RNF216: variants seen among roughly 807,000 people sequenced by gnomAD.
RNF216 encodes ring finger protein 216, also known as E3 ubiquitin-protein ligase RNF216.
Under a neutral mutation model 110.8 loss-of-function variants are expected in RNF216, and 72 were observed. That is an observed-to-expected ratio of 0.65 (90% confidence interval 0.54 to 0.79). The LOEUF is 0.79. Ranked by LOEUF, RNF216 falls within the 30% of genes least tolerant of loss-of-function variation. The pLI is 0.00. For synonymous variants in RNF216, 495 were observed against 407.5 expected, an observed-to-expected ratio of 1.21 and a Z score of -2.59; for missense variants, 1,342 against 1,141.2, an observed-to-expected ratio of 1.18 and a Z score of -2.54.
At chr7:5,657,735 C>T (rs1243574526) in intron 13 of RNF216, among the ~76,000 whole-genome samples, 1 of 152,110 alleles carries the variant, frequency 6.6e-6, no homozygotes, top group African/African-American at 2.4e-5. Context: ...GTCCTCCCCA[C>T]CCATACGCCC....
chr7:5,775,919 A>T (rs1467114214), intron 1 of RNF216, among the ~76,000 whole-genome samples: 2 of 152,076 alleles, frequency 1.3e-5, no homozygotes, highest in Non-Finnish European at 2.9e-5. Context: ...AGGCTGGAAG[A>T]AGATGACATG....
At chr7:5,735,599 A>G (rs1794349324) in intron 5 of RNF216, among the ~76,000 whole-genome samples, 1 of 152,158 alleles carries the variant, frequency 6.6e-6, no homozygotes, top group South Asian at 2.1e-4. Context: ...CTAAAAGAAC[A>G]CCCCTGAAGA....
At chr7:5,760,230 G>C (rs1006617960) in intron 2 of RNF216, among the ~76,000 whole-genome samples, 2 of 152,024 alleles carry the variant, frequency 1.3e-5, no homozygotes, top group African/African-American at 2.4e-5. Context: ...AAAAACTGTA[G>C]AACAGTCTGG....
At chr7:5,710,315 G>A (rs1346199449) in intron 13 of RNF216, among the ~76,000 whole-genome samples, 3 of 151,620 alleles carry the variant, frequency 2.0e-5, no homozygotes, top group East Asian at 1.9e-4. Flanking sequence ...AGCTGAGATC[G>A]TGCCACTGCA....
At chr7:5,642,975 G>C (rs1201031178) in intron 14 of RNF216, among the ~76,000 whole-genome samples, 1 of 151,980 alleles carries the variant, frequency 6.6e-6, no homozygotes, top group Non-Finnish European at 1.5e-5. Context: ...AGGCTGTAAA[G>C]AATTAAGGTT....
rs115911752 is a variant in RNF216, at chr7:5,707,331, G to T, written c.2061+4430C>A. 7.6e-3 allele frequency among the ~76,000 whole-genome samples: 1,163 copies of T among 152,224 alleles called. 16 individuals carry two copies. The highest frequency in any genetic ancestry group is 0.027 in the African/African-American group (1,119 of 41,540). ...TTTCAGCAGTTTTTTATAGTTTTCA[G>T]TGTATAAGTCTTTACCCACTCCTTG... On this transcript the variant is annotated intron_variant, in intron 13 of 16. Coordinates refer to ENST00000389902, the MANE Select transcript of RNF216 (RefSeq NM_207111.4).
intron 1 of RNF216, among the ~76,000 whole-genome samples, chr7:5,775,673 C>T (rs1796734717): frequency 6.6e-6 from 1 of 151,972 alleles, no homozygotes; most frequent in Non-Finnish European, 1.5e-5. Flanking sequence ...AGTTCAAGAC[C>T]AGCCTGGCCA....
chr7:5,705,259 C>G lies in RNF216; in HGVS notation c.2061+6502G>C, dbSNP rs1213606485. ...ACACACTGGATGTCTCCCCTAAAAA[C>G]TCAACATGTCCAAAACAAAAGTAAT... On this transcript the variant is annotated intron_variant, in intron 13 of 16. Transcript: ENST00000389902. Among the ~76,000 whole-genome samples, 4 of 152,158 alleles carry G rather than the reference C, an allele frequency of 2.6e-5. No individual in the cohort carries two copies. The East Asian group carries it at 5.8e-4, about 22-fold the overall frequency.
At chr7:5,735,481 T>C (rs1365929448) in intron 5 of RNF216, among the ~76,000 whole-genome samples, 1 of 152,128 alleles carries the variant, frequency 6.6e-6, no homozygotes, top group Non-Finnish European at 1.5e-5. Context: ...AGCAAAACTC[T>C]AGGAAAATAA....
At chr7:5,666,455 C>T (rs1300821720) in intron 13 of RNF216, among the ~76,000 whole-genome samples, 3 of 152,136 alleles carry the variant, frequency 2.0e-5, no homozygotes, top group Non-Finnish European at 4.4e-5. Flanking sequence ...GAATTCCAGG[C>T]ACCAGGAACA....
At chr7:5,724,986 T>G (rs573242370) in intron 8 of RNF216, among the ~76,000 whole-genome samples, 3 of 152,336 alleles carry the variant, frequency 2.0e-5, no homozygotes, top group African/African-American at 7.2e-5. Flanking sequence ...TGGGTAGTTT[T>G]TACCTAATAA....
In RNF216 at chr7:5,721,074, C is replaced by G. The variant is rs1370391603; in HGVS notation, c.1603G>C (p.Glu535Gln). The G allele has an allele frequency of 6.2e-7, 1 of 1,614,100 alleles. No individual in the cohort carries two copies. The highest frequency in any genetic ancestry group is 8.5e-7 in the Non-Finnish European group (1 of 1,180,042). The part of the protein sequence containing the change: ...RRALLPAVQQ[E>Q]QEFYEQKIKE... ...ATTTTCTGCTCATAGAACTCCTGCT[C>G]TTGTTGCACAGCTGGAAGGAGAGCA... Residue 535 changes from glutamate (E) to glutamine (Q), a missense_variant, in exon 9 of 17, where the codon GAG (glutamate) becomes CAG (glutamine). Coordinates refer to ENST00000389902, the MANE Select transcript of RNF216 (RefSeq NM_207111.4).
intron 1 of RNF216, among the ~76,000 whole-genome samples, chr7:5,781,007 G>A (rs1268639056): frequency 1.3e-5 from 2 of 152,048 alleles, no homozygotes; most frequent in African/African-American, 4.8e-5. Context: ...CCCGCAGAAG[G>A]GTTTGACGCA....
chr7:5,687,672 G>A (rs960139942), intron 13 of RNF216, among the ~76,000 whole-genome samples: 2 of 152,174 alleles, frequency 1.3e-5, no homozygotes, highest in Non-Finnish European at 2.9e-5. Flanking sequence ...GAGAAATTAA[G>A]TGCCCCCAAA....
intron 5 of RNF216, among the ~76,000 whole-genome samples, chr7:5,732,699 C>A (rs1023667114): frequency 7.2e-5 from 11 of 152,176 alleles, no homozygotes; most frequent in African/African-American, 2.4e-4. Context: ...TTTTCTTCTA[C>A]AGAAACAAGT....
intron 14 of RNF216, among the ~76,000 whole-genome samples, chr7:5,642,033 A>T (rs1316442179): frequency 9.0e-6 from 1 of 111,618 alleles, no homozygotes; most frequent in African/African-American, 4.2e-5. Context: ...ACTCTATCTT[A>T]AAAAAAAAAA....
At position 5,624,781 on chromosome 7, in the gene RNF216, G is replaced by A. The variant is rs755975893; in HGVS notation, c.2383-656C>T. Among the ~76,000 whole-genome samples the A allele has an allele frequency of 5.9e-5, 9 of 152,304 alleles. No individual in the cohort carries two copies. Among genetic ancestry groups the A allele is most frequent in the Admixed American group, 3.9e-4 (6 of 15,306 alleles). The stretch of plus-strand genomic sequence containing the variant: ...CCAAGCCTCAGACACGAACCGAAGA[G>A]GCACTGTGAGTGCAGGCAGATGTGG... On this transcript the variant is annotated intron_variant, in intron 15 of 16. Coordinates refer to ENST00000389902, the MANE Select transcript of RNF216 (RefSeq NM_207111.4). This position sits in a 1 kb window ranked among gnomAD's most constrained non-coding sequence, Gnocchi z 4.4.
chr7:5,640,321 TAA>T (rs1787659317), intron 15 of RNF216, among the ~76,000 whole-genome samples: 1 of 152,194 alleles, frequency 6.6e-6, no homozygotes, highest in African/African-American at 2.4e-5. Context: ...TCCAAGATTA[TAA>T]AAGTCATTCC....
intron 9 of RNF216, 36 bp downstream of exon 9, chr7:5,720,997 A>G: frequency 6.2e-7 from 1 of 1,608,110 alleles, no homozygotes; most frequent in Non-Finnish European, 8.5e-7. Context: ...CCAGAATCCC[A>G]GAAACACACC....
Sources: allele counts gnomAD v4.1 joint callset (sites outside exome capture counted in the v4.1 genomes callset), GRCh38; gene constraint gnomAD v4.1.1; non-coding constraint Gnocchi (gnomAD v3.1); transcripts MANE v1.5; gene names NCBI Gene and HGNC (gene_info 2026-07-23, HGNC 2026-07-21).